Variants in TBC1D8 observed in about 807,000 individuals in gnomAD.
TBC1D8 encodes the protein TBC1 domain family member 8.
Under a neutral mutation model 118.8 loss-of-function variants are expected in TBC1D8, and 65 were observed. That is an observed-to-expected ratio of 0.55 (90% confidence interval 0.45 to 0.67). The LOEUF is 0.67. TBC1D8 is among the 30% of genes least tolerant of loss of function. TBC1D8 has a pLI of 0.00. For synonymous variants in TBC1D8, 566 were observed against 595.8 expected (o/e 0.95, Z 0.73); for missense variants, 1,376 against 1,471.2 (o/e 0.94, Z 1.06).
At chr2:101,149,487 C>T (rs569904574) in intron 1 of TBC1D8, among the ~76,000 whole-genome samples, 1 of 152,310 alleles carries the variant, frequency 6.6e-6, no homozygotes, top group South Asian at 2.1e-4. Flanking sequence ...GAGCAGCGAG[C>T]AGAGTATCCT....
In TBC1D8 at chr2:101,029,536, A is replaced by G. The variant is rs1680548421; in HGVS notation, c.2177T>C (p.Leu726Pro). 5 of 1,613,966 alleles carry G rather than the reference A, an allele frequency of 3.1e-6. No individual in the cohort carries two copies. The highest frequency in any genetic ancestry group is 2.5e-6 in the Non-Finnish European group (3 of 1,179,886). Residue 726 changes from leucine (L) to proline (P), a missense_variant, in exon 12 of 20, where the codon CTG becomes CCG. By Grantham distance (98) the Leu-to-Pro change is moderately conservative. Transcript: ENST00000409318. ...LAVLEANAED[L>P]CSSKDDGQAL... ...CTGGCCATCATCCTTGCTGCTGCACAGGTCCTCAGCATTGGCCTCAAGCAC... is the reference window on the plus strand; with the variant it reads ...CTGGCCATCATCCTTGCTGCTGCACGGGTCCTCAGCATTGGCCTCAAGCAC...
In TBC1D8 at chr2:101,052,508, G is replaced by A. The variant is rs115328065; in HGVS notation, c.631+1600C>T. 4.1e-5 allele frequency among the ~76,000 whole-genome samples: 5 copies of A among 121,038 alleles called. No homozygotes were observed. In the East Asian group the frequency reaches 8.9e-4, roughly 22 times the overall value. The allele number at this position is 121,038 out of a possible 152,430, so 79.4% of individuals were successfully genotyped here. A position where few individuals can be genotyped will look rare whatever the true frequency, so the allele number is the denominator to read the frequency against. On this transcript the variant is annotated intron_variant, in intron 4 of 19. Coordinates refer to ENST00000409318, the MANE Select transcript of TBC1D8 (RefSeq NM_001330348.2). Reference sequence around the variant, plus strand: ...TTTTTTTTTTTTGAGGCGGAGTCTTGCTTTATCACCCAGGCTGGAGTGCGC... The same window carrying A: ...TTTTTTTTTTTTGAGGCGGAGTCTTACTTTATCACCCAGGCTGGAGTGCGC...
intron 1 of TBC1D8, among the ~76,000 whole-genome samples, chr2:101,129,060 A>T (rs1428330136): frequency 6.6e-6 from 1 of 152,244 alleles, no homozygotes; most frequent in Non-Finnish European, 1.5e-5. Context: ...AATGTATGTA[A>T]TGCCACTTAA....
chr2:101,008,329 T>C, intron 19 of TBC1D8, 56 bp from the exon 20 acceptor site: 1 of 1,393,788 alleles, frequency 7.2e-7, no homozygotes, highest in Non-Finnish European at 9.5e-7. Context: ...GTGTCATTTT[T>C]TTTTTTAAAC....
intron 1 of TBC1D8, among the ~76,000 whole-genome samples, chr2:101,137,623 A>G (rs1678913732): frequency 6.6e-6 from 1 of 152,200 alleles, no homozygotes; most frequent in Non-Finnish European, 1.5e-5. Context: ...TTCTGGAAAT[A>G]GATATTTTTT....
In TBC1D8 at chr2:101,036,011, C is replaced by T. The variant is rs200703635; in HGVS notation, c.1603+7G>A. 981 of 1,613,774 alleles carry T rather than the reference C, an allele frequency of 6.1e-4. 1 individual carries two copies. Among genetic ancestry groups the T allele is most frequent in the Non-Finnish European group, 7.4e-4 (877 of 1,179,786 alleles). ...ACAATTAGCTTCGAGACACCAAGAGCGCTTACCTGAGAAGAGAAGCCAGAG... is the reference window on the plus strand; with the variant it reads ...ACAATTAGCTTCGAGACACCAAGAGTGCTTACCTGAGAAGAGAAGCCAGAG... On this transcript the variant is annotated splice_region_variant and intron_variant, in intron 9 of 19. Transcript: ENST00000409318.
At chr2:101,019,000 T>A in intron 17 of TBC1D8, 1 of 1,612,524 alleles carries the variant, frequency 6.2e-7, no homozygotes, top group South Asian at 1.1e-5. Flanking sequence ...TGTGCTAGTT[T>A]CTGTGCTAAA....
chr2:101,029,350 C>CCA (rs1680532158), intron 12 of TBC1D8, 141 bp downstream of exon 12: 12 of 872,668 alleles, frequency 1.4e-5, no homozygotes, highest in South Asian at 9.3e-5. Context: ...TTGTGGGGTG[C>CCA]CACTGCACTC....
At chr2:101,009,845 G>GGAGT (rs1390225724) in intron 19 of TBC1D8, among the ~76,000 whole-genome samples, 1 of 142,596 alleles carries the variant, frequency 7.0e-6, no homozygotes, top group African/African-American at 2.6e-5. Context: ...TTTTTGAGAT[G>GGAGT]GAGTCTCGCT....
At chr2:101,114,368 C>A (rs1243195214) in intron 1 of TBC1D8, among the ~76,000 whole-genome samples, 1 of 152,106 alleles carries the variant, frequency 6.6e-6, no homozygotes, top group African/African-American at 2.4e-5. Flanking sequence ...GTTCGCAACA[C>A]CTGGCATAAA....
At chr2:101,135,610 AAG>A (rs1465492105) in intron 1 of TBC1D8, among the ~76,000 whole-genome samples, 4 of 152,232 alleles carry the variant, frequency 2.6e-5, no homozygotes, top group Non-Finnish European at 5.9e-5. Context: ...TGTCCAAACA[AAG>A]AGCAGGGAAC....
At chr2:101,058,196 A>C (rs1394466557) in intron 3 of TBC1D8, among the ~76,000 whole-genome samples, 4 of 152,076 alleles carry the variant, frequency 2.6e-5, no homozygotes, top group African/African-American at 7.2e-5. Flanking sequence ...CCCTAACCCC[A>C]CAGGCCAGGT....
intron 18 of TBC1D8, 95 bp from the exon 19 acceptor site, chr2:101,011,121 G>T (rs1473637547): frequency 1.0e-5 from 12 of 1,180,068 alleles, no homozygotes; most frequent in Admixed American, 4.1e-5. Context: ...AGGGGGTGAG[G>T]AATTCCACTA....
At chr2:101,048,977 A>G (rs1042937958) in intron 5 of TBC1D8, among the ~76,000 whole-genome samples, 1 of 152,158 alleles carries the variant, frequency 6.6e-6, no homozygotes, top group Non-Finnish European at 1.5e-5. Context: ...TCCATTGTGC[A>G]GCTCACATTT....
chr2:101,050,739 T>C, intron 4 of TBC1D8, 98 bp from the exon 5 acceptor site: 1 of 1,450,908 alleles, frequency 6.9e-7, no homozygotes, highest in Non-Finnish European at 9.3e-7. Context: ...CTTAGGCCGA[T>C]GTGTAAATGC....
intron 2 of TBC1D8, among the ~76,000 whole-genome samples, chr2:101,075,108 T>C (rs1441008979): frequency 6.6e-6 from 1 of 152,050 alleles, no homozygotes; most frequent in Non-Finnish European, 1.5e-5. Context: ...AGTTTAGTCA[T>C]AGAAGTCGGC....
chr2:101,027,167 C>G (rs1680384834), intron 15 of TBC1D8, among the ~76,000 whole-genome samples: 1 of 152,192 alleles, frequency 6.6e-6, no homozygotes, highest in Non-Finnish European at 1.5e-5. Flanking sequence ...AAAGAGCACC[C>G]CAGCTCCCTC....
chr2:101,040,156 GCAGA>G lies in TBC1D8; in HGVS notation c.1080+18_1080+21del, dbSNP rs1202287684. 1 of 1,608,128 alleles carries G rather than the reference GCAGA, an allele frequency of 6.2e-7. No homozygotes were observed. The highest frequency in any genetic ancestry group is 2.2e-5 in the East Asian group (1 of 44,742). On this transcript the variant is annotated intron_variant, in intron 6 of 19. Transcript: ENST00000409318. ...AAACAACAAAAGGCTGCTTCGGGAA[GCAGA>G]CAGTAGGGCCAGTCTACCTCTCTGA...
At position 101,033,699 on chromosome 2, in the gene TBC1D8, G is replaced by A; in HGVS notation, c.1663C>T (p.Leu555=). Reference sequence around the variant, plus strand: ...TCGGTTACCAGGCAGCATTTCCCCAGGGACTCCTCCACCAGATTCCCGTAG... The same window carrying A: ...TCGGTTACCAGGCAGCATTTCCCCAAGGACTCCTCCACCAGATTCCCGTAG... ...GYYGNLVEES[L]GKCCLVTEEI... is the part of the protein sequence containing the mutation. The change falls in exon 10 of 20, where the codon CTG becomes TTG. Residue 555 remains leucine (L), a synonymous_variant. Transcript: ENST00000409318. 1.2e-6 allele frequency: 2 copies of A among 1,613,972 alleles called. No individual in the cohort carries two copies. The highest frequency in any genetic ancestry group is 1.7e-6 in the Non-Finnish European group (2 of 1,179,894).
Sources: gnomAD v4.1 joint callset for allele counts (sites outside exome capture counted in the v4.1 genomes callset) on GRCh38, gnomAD v4.1.1 for gene constraint, MANE v1.5 for transcripts, NCBI Gene and HGNC (gene_info 2026-07-23, HGNC 2026-07-21) for gene names.